EDN1: variants seen among roughly 807,000 people sequenced by gnomAD.
The protein encoded by EDN1 is endothelin-1.
In EDN1, 11 loss-of-function variants were observed where a neutral mutation model predicts 21.7. That is an observed-to-expected ratio of 0.51 (90% CI 0.32 to 0.84). The LOEUF (loss-of-function observed/expected upper bound fraction) is 0.84. Ranked by LOEUF, EDN1 falls within the 40% of genes least tolerant of loss-of-function variation. EDN1 has a pLI of 0.03. For missense variants in EDN1, 244 were observed against 262.3 expected, an observed-to-expected ratio of 0.93 and a Z score of 0.48; for synonymous variants, 85 against 90.6, an observed-to-expected ratio of 0.94 and a Z score of 0.35.
chr6:12,259,734 T>G, the EDN1 span, among the ~76,000 whole-genome samples: 1,333 of 152,100 alleles, frequency 8.8e-3, 25 homozygotes, highest in African/African-American at 0.03. Flanking sequence ...GATAGAAATA[T>G]ATTACAAACT....
At chr6:12,242,467 T>C in the EDN1 span, among the ~76,000 whole-genome samples, 4 of 152,296 alleles carry the variant, frequency 2.6e-5, no homozygotes, top group South Asian at 8.3e-4. Context: ...GGGAAAGTTA[T>C]TTTACCTCTC....
the EDN1 span, among the ~76,000 whole-genome samples, chr6:12,246,044 T>C: frequency 4.6e-5 from 7 of 151,970 alleles, no homozygotes; most frequent in Non-Finnish European, 7.4e-5. Context: ...CTTAAAGAAA[T>C]TGCATATACC....
In EDN1 at chr6:12,290,488, TCCCCG is replaced by T; in HGVS notation, c.-141_-137del. On this transcript the variant is annotated 5_prime_UTR_variant, in exon 1 of 5. Transcript: ENST00000379375. ...CTCTCCTGGCAGGCGCTGCCTTTTC[TCCCCG>T]TTAAAAGGGCACTTGGGCTGAAGGA... is the stretch of plus-strand genomic sequence containing the variant. 1.6e-6 allele frequency: 1 copy of T among 630,202 alleles called. No individual in the cohort carries two copies. The highest frequency in any genetic ancestry group is 3.0e-5 in the East Asian group (1 of 33,290). The allele number at this position is 630,202 out of a possible 1,614,324, so 39.0% of individuals were successfully genotyped here.
chr6:12,295,872 T>C, intron 4 of EDN1, 90 bp from the exon 5 acceptor site: 3 of 1,355,498 alleles, frequency 2.2e-6, no homozygotes, highest in Non-Finnish European at 3.1e-6. Context: ...TCAGGTTTTG[T>C]TTGTGCCAGA....
chr6:12,287,431 G>A (rs967213587), upstream of EDN1, among the ~76,000 whole-genome samples: 2 of 151,964 alleles, frequency 1.3e-5, no homozygotes, highest in East Asian at 3.9e-4. Flanking sequence ...GGTTTGTTGG[G>A]GTTCTCCTTC....
At position 12,290,606 on chromosome 6, in the gene EDN1, G is replaced by A; in HGVS notation, c.-24G>A. 6.2e-7 allele frequency: 1 copy of A among 1,610,876 alleles called. No individual in the cohort carries two copies. The highest frequency in any genetic ancestry group is 1.1e-5 in the South Asian group (1 of 91,012). On this transcript the variant is annotated 5_prime_UTR_variant, in exon 1 of 5. Transcript: ENST00000379375. ...TCCTTTGGGTTCAGTTTGAACGGGA[G>A]GTTTTTGATCCCTTTTTTTCAGAAT...
chr6:12,256,434 T>C, the EDN1 span, among the ~76,000 whole-genome samples: 1 of 151,984 alleles, frequency 6.6e-6, no homozygotes, highest in East Asian at 1.9e-4. Context: ...GAACTCAAAA[T>C]GTTTAAAATG....
At chr6:12,247,178 C>G in the EDN1 span, among the ~76,000 whole-genome samples, 3 of 152,276 alleles carry the variant, frequency 2.0e-5, no homozygotes, top group Middle Eastern at 3.4e-3. Flanking sequence ...CCACAGGTGG[C>G]TGGGGATCTC....
the EDN1 span, among the ~76,000 whole-genome samples, chr6:12,231,437 A>G: frequency 6.6e-6 from 1 of 152,212 alleles, no homozygotes; most frequent in African/African-American, 2.4e-5. Flanking sequence ...CATTCAAGAC[A>G]CGTTTTATTG....
chr6:12,257,506 T>C, the EDN1 span, among the ~76,000 whole-genome samples: 3 of 152,158 alleles, frequency 2.0e-5, no homozygotes, highest in Admixed American at 6.5e-5. Flanking sequence ...GCTAACAAAA[T>C]AATGAGTCTG....
the EDN1 span, among the ~76,000 whole-genome samples, chr6:12,240,943 A>C: frequency 1.3e-5 from 2 of 152,144 alleles, no homozygotes; most frequent in African/African-American, 4.8e-5. Flanking sequence ...GGGAGATGGA[A>C]CATCAAGGTA....
the EDN1 span, among the ~76,000 whole-genome samples, chr6:12,240,005 T>C: frequency 6.6e-6 from 1 of 152,104 alleles, no homozygotes; most frequent in Non-Finnish European, 1.5e-5. Flanking sequence ...ACAGAGGTTA[T>C]AAAGTAAAAT....
the EDN1 span, among the ~76,000 whole-genome samples, chr6:12,238,985 A>G: frequency 6.6e-6 from 1 of 152,242 alleles, no homozygotes; most frequent in African/African-American, 2.4e-5. Context: ...TGGATCTTTT[A>G]GTTATTGGAA....
chr6:12,255,728 G>T, the EDN1 span, among the ~76,000 whole-genome samples: 1 of 152,182 alleles, frequency 6.6e-6, no homozygotes, highest in South Asian at 2.1e-4. Context: ...TAATGATTGG[G>T]AGTTCCAATA....
the EDN1 span, among the ~76,000 whole-genome samples, chr6:12,281,987 G>A: frequency 2.6e-5 from 4 of 152,156 alleles, no homozygotes; most frequent in African/African-American, 9.7e-5. Flanking sequence ...GAATTAGGAT[G>A]TCCTAGATGT....
the EDN1 span, among the ~76,000 whole-genome samples, chr6:12,247,966 A>G: frequency 6.6e-6 from 1 of 152,122 alleles, no homozygotes; most frequent in Non-Finnish European, 1.5e-5. Context: ...GGATAAATAA[A>G]GTCATAAGGT....
chr6:12,244,588 A>C, the EDN1 span, among the ~76,000 whole-genome samples: 1 of 152,242 alleles, frequency 6.6e-6, no homozygotes, highest in Non-Finnish European at 1.5e-5. Context: ...AATAGTTTGC[A>C]GTCAGTTGTC....
At chr6:12,290,718 G>A (rs1422283196) in intron 1 of EDN1, 25 bp downstream of exon 1, 51 of 1,594,268 alleles carry the variant, frequency 3.2e-5, no homozygotes, top group Non-Finnish European at 4.1e-5. Flanking sequence ...TGACTTGTAA[G>A]TCTCGGAATT....
At chr6:12,230,973 G>T in the EDN1 span, among the ~76,000 whole-genome samples, 1 of 152,166 alleles carries the variant, frequency 6.6e-6, no homozygotes, top group Non-Finnish European at 1.5e-5. Flanking sequence ...ATTGGCCTAA[G>T]GTGGAGAAAT....
Sources: allele counts gnomAD v4.1 joint callset (sites outside exome capture counted in the v4.1 genomes callset), GRCh38; gene constraint gnomAD v4.1.1; transcripts MANE v1.5; gene names NCBI Gene and HGNC (gene_info 2026-07-23, HGNC 2026-07-21).